Variants in MAD1L1 observed in about 807,000 individuals in gnomAD.
The protein encoded by MAD1L1 is mitotic arrest deficient 1 like 1.
A neutral mutation model predicts 96.9 loss-of-function variants in MAD1L1; 95 were observed. That is an observed-to-expected ratio of 0.98 (90% confidence interval 0.83 to 1.16). The LOEUF (loss-of-function observed/expected upper bound fraction) is 1.16, where lower values mean the gene tolerates loss of function less well. Ranked by LOEUF, MAD1L1 falls within the 50% of genes most tolerant of loss-of-function variation. MAD1L1 has a pLI of 0.00. For synonymous variants in MAD1L1, 473 were observed against 396.6 expected (o/e 1.19, Z -2.29); for missense variants, 1,007 against 954.4 (o/e 1.06, Z -0.73).
intron 10 of MAD1L1, among the ~76,000 whole-genome samples, chr7:2,188,993 C>G (rs1791589264): frequency 6.6e-6 from 1 of 152,048 alleles, no homozygotes; most frequent in Non-Finnish European, 1.5e-5. Context: ...ATGAAAATAA[C>G]GCGATTCAAG....
At chr7:2,232,291 C>A (rs1220016679) in intron 1 of MAD1L1, among the ~76,000 whole-genome samples, 2 of 152,266 alleles carry the variant, frequency 1.3e-5, no homozygotes, top group African/African-American at 4.8e-5. Context: ...CTGCCAGCCC[C>A]GCAGAGGCAG....
At chr7:1,931,826 A>G (rs1789497171) in intron 17 of MAD1L1, among the ~76,000 whole-genome samples, 1 of 152,168 alleles carries the variant, frequency 6.6e-6, no homozygotes, top group Admixed American at 6.5e-5. Context: ...CCCAGAGCCA[A>G]TGGTCGTCCT....
chr7:2,121,848 G>C (rs1024291261), intron 11 of MAD1L1, among the ~76,000 whole-genome samples: 1 of 152,274 alleles, frequency 6.6e-6, no homozygotes, highest in Admixed American at 6.5e-5. Context: ...ACCCTCTCCA[G>C]CACCGGGCAG....
intron 3 of MAD1L1, among the ~76,000 whole-genome samples, chr7:2,227,867 T>C (rs891500864): frequency 2.6e-5 from 4 of 152,124 alleles, no homozygotes; most frequent in Non-Finnish European, 4.4e-5. Context: ...CTGATCCGTG[T>C]GCCACCTCTG....
rs1203910501 is a variant in MAD1L1, at chr7:1,968,517, G to A, written c.1506-10798C>T. Among the ~76,000 whole-genome samples the A allele has an allele frequency of 6.7e-6, 1 of 150,110 alleles. No homozygotes were observed. Among genetic ancestry groups the A allele is most frequent in the Non-Finnish European group, 1.5e-5 (1 of 67,752 alleles). ...TGTCCATGCCTCAGTCCGGCGGTCAGGTCCACCGTCAATGCCAGCGGTCAT... is the reference window on the plus strand; with the variant it reads ...TGTCCATGCCTCAGTCCGGCGGTCAAGTCCACCGTCAATGCCAGCGGTCAT... On this transcript the variant is annotated intron_variant, in intron 15 of 18. Coordinates refer to ENST00000265854, the MANE Select transcript of MAD1L1 (RefSeq NM_001013836.2). The surrounding 1 kb of genome is among the most constrained non-coding windows in gnomAD (Gnocchi z 5.6).
chr7:2,146,244 G>C lies in MAD1L1; in HGVS notation c.1073+2908C>G, dbSNP rs1286323291. Among the ~76,000 whole-genome samples, 14 of 150,238 alleles carry C rather than the reference G, an allele frequency of 9.3e-5. 1 individual carries two copies. The highest frequency in any genetic ancestry group is 8.5e-4 in the Admixed American group (13 of 15,212). On this transcript the variant is annotated intron_variant, in intron 11 of 18. Coordinates refer to ENST00000265854, the MANE Select transcript of MAD1L1 (RefSeq NM_001013836.2). The surrounding 1 kb of genome is among the most constrained non-coding windows in gnomAD (Gnocchi z 6.2). Reference sequence around the variant, plus strand: ...ACCGTCACAGCAGCACCGCCTGGAAGAGGGAGCACCGGGCACTGGGCTACG... The same window carrying C: ...ACCGTCACAGCAGCACCGCCTGGAACAGGGAGCACCGGGCACTGGGCTACG...
chr7:1,941,479 C>G (rs573857678), intron 16 of MAD1L1, among the ~76,000 whole-genome samples: 2 of 152,382 alleles, frequency 1.3e-5, no homozygotes, highest in East Asian at 3.9e-4. Flanking sequence ...AGAAGTTCTT[C>G]TTAAACACCA....
chr7:2,073,200 C>A (rs1785219417), intron 11 of MAD1L1, among the ~76,000 whole-genome samples: 1 of 152,246 alleles, frequency 6.6e-6, no homozygotes. Flanking sequence ...CCCTCCGCCA[C>A]TGCTTAAAGG....
intron 18 of MAD1L1, among the ~76,000 whole-genome samples, chr7:1,839,265 C>T (rs750795089): frequency 2.6e-5 from 4 of 152,098 alleles, no homozygotes; most frequent in South Asian, 2.1e-4. Context: ...TGGTGGTCAC[C>T]GTCTAGTCCC....
At position 1,815,910 on chromosome 7, in the gene MAD1L1, A is replaced by C. The variant is rs2128617139; in HGVS notation, c.*160T>G. On this transcript the variant is annotated 3_prime_UTR_variant, in exon 19 of 19. Transcript: ENST00000265854. Reference sequence around the variant, plus strand: ...ACGTGGAGAGGGTGCTGGCCGCCCCAGCAGGAAGCCCGACGTAGGTCCCAG... The same window carrying C: ...ACGTGGAGAGGGTGCTGGCCGCCCCCGCAGGAAGCCCGACGTAGGTCCCAG... The C allele has an allele frequency of 2.3e-6, 2 of 855,134 alleles. No individual in the cohort carries two copies. The highest frequency in any genetic ancestry group is 3.5e-6 in the Non-Finnish European group (2 of 572,246). 53.0% of individuals were successfully genotyped at this position (855,134 alleles called of 1,614,324 possible).
intron 10 of MAD1L1, 112 bp downstream of exon 10, chr7:2,213,100 G>A: frequency 8.8e-7 from 1 of 1,133,482 alleles, no homozygotes; most frequent in Admixed American, 1.9e-5. Flanking sequence ...CCCCGCACCA[G>A]CCACAGAGAT....
At position 1,968,005 on chromosome 7, in the gene MAD1L1, T is replaced by C. The variant is rs1279344083; in HGVS notation, c.1506-10286A>G. On this transcript the variant is annotated intron_variant, in intron 15 of 18. Transcript: ENST00000265854. This position sits in a 1 kb window ranked among gnomAD's most constrained non-coding sequence, Gnocchi z 5.6. ...GTGGCAAACTCCCTCCAGTCCACACTGCTGGTAATAAATGAAGAAGTGAAT... is the reference window on the plus strand; with the variant it reads ...GTGGCAAACTCCCTCCAGTCCACACCGCTGGTAATAAATGAAGAAGTGAAT... Among the ~76,000 whole-genome samples the C allele has an allele frequency of 6.6e-6, 1 of 152,146 alleles. No individual in the cohort carries two copies. The highest frequency in any genetic ancestry group is 6.5e-5 in the Admixed American group (1 of 15,290).
intron 11 of MAD1L1, among the ~76,000 whole-genome samples, chr7:2,086,592 C>T (rs979878225): frequency 1.1e-4 from 16 of 152,142 alleles, no homozygotes; most frequent in Admixed American, 8.5e-4. Flanking sequence ...TCGTTCTTGT[C>T]CCCCAGAGCT....
chr7:1,931,533 C>T (rs1041093440), intron 17 of MAD1L1, among the ~76,000 whole-genome samples: 2 of 152,210 alleles, frequency 1.3e-5, no homozygotes, highest in African/African-American at 2.4e-5. Context: ...CCGATCATGT[C>T]GGTATTAACT....
chr7:2,016,907 C>A (rs1256381307), intron 12 of MAD1L1, among the ~76,000 whole-genome samples: 1 of 152,262 alleles, frequency 6.6e-6, no homozygotes, highest in African/African-American at 2.4e-5. Context: ...TCGTTTCAAG[C>A]CAGTTACCGG....
At chr7:2,058,786 A>G (rs867523595) in intron 12 of MAD1L1, among the ~76,000 whole-genome samples, 489 of 26,738 alleles carry the variant, frequency 0.018, no homozygotes, top group Admixed American at 0.035. Context: ...GTGGCCAGAG[A>G]AGAGGAGAGG....
At chr7:1,940,988 T>TCAGCCTCCTCTTCCTC in intron 16 of MAD1L1, among the ~76,000 whole-genome samples, 1 of 124,518 alleles carries the variant, frequency 8.0e-6, no homozygotes, top group South Asian at 2.4e-4. Context: ...CCTCTTCCTC[T>TCAGCCTCCTCTTCCTC]CCCAGGCCTC....
At chr7:2,051,652 C>T (rs1784178537) in intron 12 of MAD1L1, among the ~76,000 whole-genome samples, 1 of 141,866 alleles carries the variant, frequency 7.0e-6, no homozygotes, top group Non-Finnish European at 1.5e-5. Flanking sequence ...ACCCCCCCAC[C>T]AGCTGCCCTG....
chr7:1,960,149 A>T (rs1359800225), intron 15 of MAD1L1, among the ~76,000 whole-genome samples: 1 of 152,146 alleles, frequency 6.6e-6, no homozygotes, highest in African/African-American at 2.4e-5. Context: ...TATATACCCT[A>T]CAGCAAGCCC....
Sources: gnomAD v4.1 joint callset for allele counts (sites outside exome capture counted in the v4.1 genomes callset) on GRCh38, gnomAD v4.1.1 for gene constraint, Gnocchi (gnomAD v3.1) non-coding constraint, MANE v1.5 for transcripts, NCBI Gene and HGNC (gene_info 2026-07-23, HGNC 2026-07-21) for gene names.